Variants in ASIC2 observed in about 807,000 individuals in gnomAD.
ASIC2 encodes acid-sensing ion channel 2.
In ASIC2, 25 loss-of-function variants were observed where a neutral mutation model predicts 57.3. The observed-to-expected ratio is 0.44, with a 90% CI of 0.32 to 0.61. The LOEUF (loss-of-function observed/expected upper bound fraction) is 0.61, where lower values mean the gene tolerates loss of function less well. Ranked by LOEUF, ASIC2 falls within the 20% of genes least tolerant of loss-of-function variation. The probability of loss-of-function intolerance (pLI) is 0.06; values close to 1 mark genes in which losing one functional copy is unlikely to be tolerated. For missense variants in ASIC2, 641 were observed against 738.1 expected (o/e 0.87, Z 1.52); for synonymous variants, 319 against 307.5 (o/e 1.04, Z -0.39).
At chr17:33,863,985 C>A (rs1457869294) in intron 1 of ASIC2, among the ~76,000 whole-genome samples, 1 of 151,424 alleles carries the variant, frequency 6.6e-6, no homozygotes, top group Non-Finnish European at 1.5e-5. Flanking sequence ...CTCACTGCAA[C>A]CTCCACCTCC....
At chr17:33,540,392 A>G (rs1915369177) in intron 1 of ASIC2, among the ~76,000 whole-genome samples, 1 of 152,164 alleles carries the variant, frequency 6.6e-6, no homozygotes. Flanking sequence ...AGTAGGAGTT[A>G]GGACTTCAAT....
intron 3 of ASIC2, among the ~76,000 whole-genome samples, chr17:33,059,437 C>G (rs1344623205): frequency 6.6e-6 from 1 of 152,034 alleles, no homozygotes; most frequent in Non-Finnish European, 1.5e-5. Context: ...GCAATAGTTT[C>G]CTGAGAATGA....
In ASIC2 at chr17:33,314,836, T is replaced by A. The variant is rs191471540; in HGVS notation, c.556-202769A>T. 1.1e-3 allele frequency among the ~76,000 whole-genome samples: 162 copies of A among 152,326 alleles called. 1 individual carries two copies. The highest frequency in any genetic ancestry group is 3.8e-3 in the African/African-American group (156 of 41,584). The stretch of plus-strand genomic sequence containing the variant: ...AATAGCCAGTGTGGATGTTTAGTCT[T>A]GTCAATATAGCTTGGACCAGACCTT... On this transcript the variant is annotated intron_variant, in intron 1 of 9. Transcript: ENST00000359872.
At chr17:33,523,319 C>G (rs995921335) in intron 1 of ASIC2, among the ~76,000 whole-genome samples, 1 of 152,142 alleles carries the variant, frequency 6.6e-6, no homozygotes, top group African/African-American at 2.4e-5. Flanking sequence ...TGCAGTGACA[C>G]CATCTGGGCT....
At chr17:33,422,791 A>T (rs1911091494) in intron 1 of ASIC2, among the ~76,000 whole-genome samples, 2 of 152,168 alleles carry the variant, frequency 1.3e-5, no homozygotes, top group Admixed American at 1.3e-4. Context: ...CCCAGACTCA[A>T]CCTATGAGGA....
At position 33,932,719 on chromosome 17, in the gene ASIC2, A is replaced by T. The variant is rs1392979902; in HGVS notation, c.555+223259T>A. 77 of 44,372 alleles carry T rather than the reference A, an allele frequency of 1.7e-3. 1 individual carries two copies. The highest frequency in any genetic ancestry group is 0.014 in the Middle Eastern group (1 of 70). 2.7% of individuals were successfully genotyped at this position (44,372 alleles called of 1,614,324 possible). A position where few individuals can be genotyped will look rare whatever the true frequency, so the allele number is the denominator to read the frequency against. On this transcript the variant is annotated intron_variant, in intron 1 of 9. Transcript: ENST00000359872. Reference sequence around the variant, plus strand: ...CAAAAGCGAAACTTTGTTTCAAAAAAAAAAAAAAAAAAAAAAAAAAAAATA... The same window carrying T: ...CAAAAGCGAAACTTTGTTTCAAAAATAAAAAAAAAAAAAAAAAAAAAAATA...
chr17:33,102,939 A>G (rs970854139), intron 2 of ASIC2, among the ~76,000 whole-genome samples: 3 of 151,856 alleles, frequency 2.0e-5, no homozygotes, highest in African/African-American at 7.3e-5. Flanking sequence ...GCCCACCACC[A>G]CGCCCGGCTA....
chr17:33,915,319 C>T (rs1440646012), intron 1 of ASIC2, among the ~76,000 whole-genome samples: 1 of 152,166 alleles, frequency 6.6e-6, no homozygotes, highest in Non-Finnish European at 1.5e-5. Context: ...GTCCTTCCCC[C>T]ATCTCAGAAG....
At chr17:33,590,326 T>G (rs1250754484) in intron 1 of ASIC2, among the ~76,000 whole-genome samples, 1 of 152,184 alleles carries the variant, frequency 6.6e-6, no homozygotes, top group East Asian at 1.9e-4. Context: ...GCCATAGCTG[T>G]TGCTATTGTC....
At chr17:33,893,544 C>T (rs560465405) in intron 1 of ASIC2, among the ~76,000 whole-genome samples, 4 of 152,192 alleles carry the variant, frequency 2.6e-5, no homozygotes, top group South Asian at 2.1e-4. Flanking sequence ...TCTGAAGTTT[C>T]GTCCAGGATT....
intron 1 of ASIC2, among the ~76,000 whole-genome samples, chr17:33,575,889 G>C (rs1174831578): frequency 6.6e-6 from 1 of 152,120 alleles, no homozygotes; most frequent in African/African-American, 2.4e-5. Context: ...ACAGCTAATG[G>C]CTCTGCAGGC....
chr17:33,737,464 T>C (rs1192446075), intron 1 of ASIC2, among the ~76,000 whole-genome samples: 25 of 152,268 alleles, frequency 1.6e-4, no homozygotes, highest in Admixed American at 1.6e-3. Context: ...GCTTGCTTCC[T>C]CACATTTGAA....
At chr17:34,123,242 G>A (rs560698365) in intron 1 of ASIC2, among the ~76,000 whole-genome samples, 2 of 152,196 alleles carry the variant, frequency 1.3e-5, no homozygotes, top group South Asian at 2.1e-4. Flanking sequence ...ATTCATCTTC[G>A]CCTGGATTCT....
At chr17:33,957,976 G>T (rs919851141) in intron 1 of ASIC2, among the ~76,000 whole-genome samples, 2 of 152,226 alleles carry the variant, frequency 1.3e-5, no homozygotes, top group African/African-American at 4.8e-5. Context: ...CCGAAAGGGA[G>T]AAATTGGCCT....
At chr17:33,721,925 C>T (rs1033427097) in intron 1 of ASIC2, among the ~76,000 whole-genome samples, 1 of 152,166 alleles carries the variant, frequency 6.6e-6, no homozygotes, top group African/African-American at 2.4e-5. Context: ...GATGAAGGCA[C>T]ATCAAAAGAC....
intron 1 of ASIC2, among the ~76,000 whole-genome samples, chr17:33,453,075 A>G (rs1023845030): frequency 6.6e-6 from 1 of 152,180 alleles, no homozygotes; most frequent in Non-Finnish European, 1.5e-5. Context: ...ACTTATGCCT[A>G]TGAGTTCTGC....
Position 33,575,832 on chromosome 17 carries a change from G to A in ASIC2, c.556-463765C>T, listed in dbSNP as rs1916602057. On this transcript the variant is annotated intron_variant, in intron 1 of 9. Coordinates refer to the ASIC2 transcript ENST00000359872. Reference sequence around the variant, plus strand: ...CCCCCTTCAAAAGAGGGAGTACAGAGAGGCAAGGGGCTCTTTAAACATGCA... The same window carrying A: ...CCCCCTTCAAAAGAGGGAGTACAGAAAGGCAAGGGGCTCTTTAAACATGCA... 2.6e-5 allele frequency among the ~76,000 whole-genome samples: 4 copies of A among 152,270 alleles called. No homozygotes were observed. The South Asian group carries it at 8.3e-4, about 32-fold the overall frequency.
At chr17:33,971,968 G>A (rs775520556) in intron 1 of ASIC2, among the ~76,000 whole-genome samples, 2 of 152,096 alleles carry the variant, frequency 1.3e-5, no homozygotes, top group Non-Finnish European at 1.5e-5. Flanking sequence ...CAGGCTCAGC[G>A]TTCTTACAGT....
rs1908815115 is a variant in ASIC2, at chr17:33,249,665, C to T, written c.708+41743G>A. ...TCAGCCAGGGCTGCAGCCCTGCCTT[C>T]TAACTATCCTTCCCTCTGGGCACAT... is the stretch of plus-strand genomic sequence containing the variant. On this transcript the variant is annotated intron_variant, in intron 1 of 9. Coordinates refer to ENST00000225823, the MANE Select transcript of ASIC2 (RefSeq NM_183377.2). 2.0e-5 allele frequency among the ~76,000 whole-genome samples: 3 copies of T among 152,208 alleles called. No individual in the cohort carries two copies. In the South Asian group the frequency reaches 6.2e-4, roughly 32 times the overall value.
Sources: gnomAD v4.1 joint callset for allele counts (sites outside exome capture counted in the v4.1 genomes callset) on GRCh38, gnomAD v4.1.1 for gene constraint, MANE v1.5 for transcripts, NCBI Gene and HGNC (gene_info 2026-07-23, HGNC 2026-07-21) for gene names.